CCSER1: variants seen among roughly 807,000 people sequenced by gnomAD.
CCSER1 encodes the protein coiled-coil serine rich protein 1.
In CCSER1, 41 loss-of-function variants were observed where a neutral mutation model predicts 82.0. The observed-to-expected ratio is 0.50, with a 90% CI of 0.39 to 0.65. The LOEUF (loss-of-function observed/expected upper bound fraction) is 0.65. Ranked by LOEUF, CCSER1 falls within the 30% of genes least tolerant of loss-of-function variation. The probability of loss-of-function intolerance (pLI) is 0.00; values close to 1 mark genes in which losing one functional copy is unlikely to be tolerated. For synonymous variants in CCSER1, 414 were observed against 383.9 expected (o/e 1.08, Z -0.92); for missense variants, 1,119 against 1,064.2 (o/e 1.05, Z -0.72).
chr4:90,921,645 A>G (rs1338519392), intron 8 of CCSER1, among the ~76,000 whole-genome samples: 2 of 151,904 alleles, frequency 1.3e-5, no homozygotes, highest in Admixed American at 6.6e-5. Flanking sequence ...ACAATTTCCA[A>G]CTCCTATCCT....
chr4:90,940,875 C>T (rs1464015058), intron 9 of CCSER1, among the ~76,000 whole-genome samples: 1 of 152,038 alleles, frequency 6.6e-6, no homozygotes. Context: ...CTCATATGCC[C>T]CAGACCAAAA....
intron 10 of CCSER1, among the ~76,000 whole-genome samples, chr4:91,515,863 CTTTTTT>C (rs60522453): frequency 4.4e-5 from 6 of 135,042 alleles, no homozygotes; most frequent in Admixed American, 7.4e-5. Flanking sequence ...GCCAGCATCT[CTTTTTT>C]TTTTTTTTTT....
intron 10 of CCSER1, among the ~76,000 whole-genome samples, chr4:91,513,221 A>T (rs763197360): frequency 4.6e-5 from 7 of 152,074 alleles, no homozygotes; most frequent in Non-Finnish European, 1.0e-4. Flanking sequence ...ATCTATGGAG[A>T]TGATAATTTT....
chr4:90,720,797 A>G (rs1017178560), intron 6 of CCSER1, among the ~76,000 whole-genome samples: 2 of 152,008 alleles, frequency 1.3e-5, no homozygotes, highest in Admixed American at 6.6e-5. Context: ...GTATTTATCA[A>G]TAATAAATAT....
intron 7 of CCSER1, among the ~76,000 whole-genome samples, chr4:90,762,788 T>C (rs1750606702): frequency 6.6e-6 from 1 of 152,156 alleles, no homozygotes; most frequent in African/African-American, 2.4e-5. Flanking sequence ...AGCCTGTGTA[T>C]GTTACCTTAC....
intron 4 of CCSER1, among the ~76,000 whole-genome samples, chr4:90,462,951 C>G (rs1256349279): frequency 6.6e-6 from 1 of 152,048 alleles, no homozygotes; most frequent in Non-Finnish European, 1.5e-5. Context: ...AGTCAATAGA[C>G]TTATAACCAT....
At chr4:91,033,545 G>T (rs1434599834) in intron 9 of CCSER1, among the ~76,000 whole-genome samples, 1 of 152,104 alleles carries the variant, frequency 6.6e-6, no homozygotes, top group Non-Finnish European at 1.5e-5. Context: ...GAAAGATGAA[G>T]ATTGTAAAGG....
intron 10 of CCSER1, among the ~76,000 whole-genome samples, chr4:91,141,928 T>A (rs541890837): frequency 6.6e-6 from 1 of 152,320 alleles, no homozygotes; most frequent in African/African-American, 2.4e-5. Context: ...TTTTGAGAAG[T>A]GTCTGTTCAT....
intron 8 of CCSER1, among the ~76,000 whole-genome samples, chr4:90,847,506 T>G (rs17017726): frequency 0.064 from 9,757 of 152,032 alleles, 634 homozygotes; most frequent in African/African-American, 0.17. Context: ...CACGTATCAG[T>G]TTTTTTTATT....
At chr4:91,417,802 A>G (rs1317952667) in intron 10 of CCSER1, among the ~76,000 whole-genome samples, 3 of 152,054 alleles carry the variant, frequency 2.0e-5, no homozygotes, top group Non-Finnish European at 4.4e-5. Flanking sequence ...ATGTTTACCT[A>G]TGTAACAAAC....
intron 10 of CCSER1, among the ~76,000 whole-genome samples, chr4:91,186,809 C>G (rs1487084951): frequency 2.6e-5 from 4 of 152,224 alleles, no homozygotes. Context: ...CCTTAAGGCA[C>G]AGATTGCTCA....
At chr4:90,462,576 A>C (rs1018652897) in intron 4 of CCSER1, among the ~76,000 whole-genome samples, 1 of 152,124 alleles carries the variant, frequency 6.6e-6, no homozygotes, top group Admixed American at 6.5e-5. Flanking sequence ...TAAAACAAAC[A>C]AACAAACAAA....
At position 90,428,940 on chromosome 4, in the gene CCSER1, G is replaced by A. The variant is rs906863539; in HGVS notation, c.1603+28811G>A. Among the ~76,000 whole-genome samples, 4 of 151,640 alleles carry A rather than the reference G, an allele frequency of 2.6e-5. 1 individual carries two copies. In the South Asian group the frequency reaches 8.3e-4, roughly 31 times the overall value. ...TGGCTGACATCCTGGAATAGCAGAGGGATATTAGGTAAAAACTTTGGAAGT... is the reference window on the plus strand; with the variant it reads ...TGGCTGACATCCTGGAATAGCAGAGAGATATTAGGTAAAAACTTTGGAAGT... On this transcript the variant is annotated intron_variant, in intron 4 of 10. Transcript: ENST00000509176.
At chr4:90,311,986 A>G (rs1735365773) in intron 2 of CCSER1, among the ~76,000 whole-genome samples, 2 of 152,212 alleles carry the variant, frequency 1.3e-5, no homozygotes, top group African/African-American at 2.4e-5. Context: ...TATATATCAG[A>G]TGGTGATAAC....
intron 8 of CCSER1, among the ~76,000 whole-genome samples, chr4:90,884,035 G>T (rs572749157): frequency 5.9e-5 from 9 of 152,154 alleles, no homozygotes; most frequent in African/African-American, 1.9e-4. Context: ...AGAAGAGTCA[G>T]TGAGGGGTAG....
chr4:90,547,000 A>G (rs1350516376), intron 5 of CCSER1, among the ~76,000 whole-genome samples: 2 of 152,088 alleles, frequency 1.3e-5, no homozygotes, highest in Non-Finnish European at 2.9e-5. Flanking sequence ...TAAGGCTGTC[A>G]TGTTTTGATT....
intron 10 of CCSER1, among the ~76,000 whole-genome samples, chr4:91,368,535 T>C (rs1188465439): frequency 6.6e-6 from 1 of 152,156 alleles, no homozygotes; most frequent in Non-Finnish European, 1.5e-5. Context: ...TCTCTTCTTC[T>C]AAAAACATAT....
chr4:91,015,682 T>C (rs919914779), intron 9 of CCSER1, among the ~76,000 whole-genome samples: 1 of 151,904 alleles, frequency 6.6e-6, no homozygotes, highest in Non-Finnish European at 1.5e-5. Flanking sequence ...ATAAACATAT[T>C]AGCAATTTGC....
At chr4:91,406,019 T>G (rs895793005) in intron 10 of CCSER1, among the ~76,000 whole-genome samples, 1 of 152,262 alleles carries the variant, frequency 6.6e-6, no homozygotes, top group African/African-American at 2.4e-5. Context: ...TCCCGATATA[T>G]GTATATTCTT....
Sources: gnomAD v4.1 joint callset for allele counts (sites outside exome capture counted in the v4.1 genomes callset) on GRCh38, gnomAD v4.1.1 for gene constraint, MANE v1.5 for transcripts, NCBI Gene and HGNC (gene_info 2026-07-23, HGNC 2026-07-21) for gene names.